The following TACR1 variants were observed in gnomAD, a reference collection of about 807,000 sequenced individuals.
The protein encoded by TACR1 is substance-P receptor.
A neutral mutation model predicts 35.8 loss-of-function variants in TACR1; 25 were observed. The observed-to-expected ratio is 0.70, with a 90% CI of 0.51 to 0.98. The LOEUF (loss-of-function observed/expected upper bound fraction) is 0.98, where lower values mean the gene tolerates loss of function less well. TACR1 is among the 50% of genes least tolerant of loss of function. TACR1 has a pLI of 0.00. For synonymous variants in TACR1, 195 were observed against 206.7 expected, an observed-to-expected ratio of 0.94 and a Z score of 0.48; for missense variants, 478 against 522.9, an observed-to-expected ratio of 0.91 and a Z score of 0.84.
At chr2:75,052,861 G>A (rs1317015234) in intron 3 of TACR1, among the ~76,000 whole-genome samples, 2 of 151,986 alleles carry the variant, frequency 1.3e-5, no homozygotes, top group African/African-American at 4.8e-5. Flanking sequence ...TTTTTTAAAT[G>A]TTTCGTTTTG....
Position 75,051,383 on chromosome 2 carries a change from A to G in TACR1, c.800T>C (p.Phe267Ser), listed in dbSNP as rs749256520. 4 of 1,614,176 alleles carry G rather than the reference A, an allele frequency of 2.5e-6. No individual in the cohort carries two copies. The highest frequency in any genetic ancestry group is 3.4e-6 in the Non-Finnish European group (4 of 1,180,026). The part of the protein sequence containing the change: ...FAICWLPFHI[F>S]FLLPYINPDL... The stretch of plus-strand genomic sequence containing the variant: ...TGGGTTGATGTAGGGCAGGAGGAAG[A>G]AGATGTGGAAGGGCAGCCAGCAGAT... Residue 267 changes from phenylalanine to serine, a missense_variant, in exon 4 of 5, where the codon TTC becomes TCC. Physicochemically the swap from Phe to Ser is radical, Grantham distance 155 (BLOSUM62 -2). Transcript: ENST00000305249.
chr2:75,056,075 A>G (rs1217803535), intron 2 of TACR1, among the ~76,000 whole-genome samples: 3 of 152,236 alleles, frequency 2.0e-5, no homozygotes, highest in Non-Finnish European at 2.9e-5. Flanking sequence ...AGTTACTGTA[A>G]TAGACATCTA....
intron 2 of TACR1, among the ~76,000 whole-genome samples, chr2:75,093,683 C>T (rs1673353285): frequency 6.6e-6 from 1 of 152,082 alleles, no homozygotes; most frequent in African/African-American, 2.4e-5. Flanking sequence ...TGATTTGTAA[C>T]ACTTCAGCAA....
intron 2 of TACR1, among the ~76,000 whole-genome samples, chr2:75,105,426 A>G (rs893454229): frequency 2.0e-5 from 3 of 152,046 alleles, no homozygotes; most frequent in African/African-American, 7.2e-5. Flanking sequence ...AGTGTCACTT[A>G]GGATGAATAA....
At chr2:75,093,067 C>T (rs1348735944) in intron 2 of TACR1, among the ~76,000 whole-genome samples, 2 of 152,138 alleles carry the variant, frequency 1.3e-5, no homozygotes, top group African/African-American at 4.8e-5. Flanking sequence ...ACAGGAGAAA[C>T]AGGCTGTGTA....
At chr2:75,118,748 AAG>A (rs1443090938) in intron 2 of TACR1, 2 of 152,244 alleles carry the variant, frequency 1.3e-5, no homozygotes, top group African/African-American at 4.8e-5. Flanking sequence ...CATGAAAACT[AAG>A]AGCTGAGCTA....
intron 4 of TACR1, among the ~76,000 whole-genome samples, chr2:75,050,807 C>T (rs752800226): frequency 3.9e-5 from 6 of 152,150 alleles, no homozygotes; most frequent in Non-Finnish European, 7.4e-5. Context: ...TCAGAGAGGG[C>T]GAATGTGCTC....
intron 2 of TACR1, among the ~76,000 whole-genome samples, chr2:75,063,636 T>A (rs984050532): frequency 6.6e-6 from 1 of 152,226 alleles, no homozygotes; most frequent in African/African-American, 2.4e-5. Flanking sequence ...GTTTTTCTTC[T>A]GTTTCCTTCA....
intron 2 of TACR1, among the ~76,000 whole-genome samples, chr2:75,088,561 T>G (rs1489650970): frequency 6.6e-6 from 1 of 152,186 alleles, no homozygotes; most frequent in Non-Finnish European, 1.5e-5. Context: ...AAATATTCAC[T>G]GAATGAGTGT....
At chr2:75,088,592 C>A (rs1035288629) in intron 2 of TACR1, among the ~76,000 whole-genome samples, 1 of 152,084 alleles carries the variant, frequency 6.6e-6, no homozygotes, top group African/African-American at 2.4e-5. Context: ...TTGTTATGTT[C>A]CTCCTGCAGA....
At chr2:75,079,347 C>T (rs1673036286) in intron 2 of TACR1, among the ~76,000 whole-genome samples, 1 of 152,158 alleles carries the variant, frequency 6.6e-6, no homozygotes, top group South Asian at 2.1e-4. Flanking sequence ...TGTAGTCTTT[C>T]TCCCTTCCAA....
chr2:75,095,295 T>C (rs1333889129), intron 2 of TACR1, among the ~76,000 whole-genome samples: 1 of 152,178 alleles, frequency 6.6e-6, no homozygotes, highest in East Asian at 1.9e-4. Context: ...ATTTTAATTT[T>C]CGTGGCTGTA....
intron 2 of TACR1, among the ~76,000 whole-genome samples, chr2:75,099,732 C>G (rs909056622): frequency 6.6e-6 from 1 of 152,200 alleles, no homozygotes; most frequent in Non-Finnish European, 1.5e-5. Flanking sequence ...CTGCTGGCCA[C>G]TGGCTCACAG....
At chr2:75,149,285 A>G (rs539947095) in intron 1 of TACR1, among the ~76,000 whole-genome samples, 9 of 152,054 alleles carry the variant, frequency 5.9e-5, no homozygotes, top group South Asian at 4.2e-4. Flanking sequence ...AAGAATGTCA[A>G]TGGTAGTTTG....
chr2:75,091,193 C>A (rs192136802), intron 2 of TACR1, among the ~76,000 whole-genome samples: 1 of 117,878 alleles, frequency 8.5e-6, no homozygotes, highest in Non-Finnish European at 1.6e-5. Flanking sequence ...CTTATGGGCT[C>A]GTAGGTGCAA....
chr2:75,075,771 T>G (rs1672963787), intron 2 of TACR1, among the ~76,000 whole-genome samples: 1 of 152,182 alleles, frequency 6.6e-6, no homozygotes, highest in Non-Finnish European at 1.5e-5. Flanking sequence ...ATGTAAAGAC[T>G]CAGATTAAAA....
At chr2:75,185,970 C>T (rs1443908351) in intron 1 of TACR1, among the ~76,000 whole-genome samples, 1 of 152,106 alleles carries the variant, frequency 6.6e-6, no homozygotes, top group Non-Finnish European at 1.5e-5. Flanking sequence ...AACCACTTGG[C>T]ATGATCTTAT....
intron 2 of TACR1, among the ~76,000 whole-genome samples, chr2:75,111,036 G>A (rs1429294962): frequency 1.3e-5 from 2 of 151,924 alleles, no homozygotes; most frequent in East Asian, 3.8e-4. Flanking sequence ...TCTTTTATGA[G>A]CTATAGTGTT....
intron 2 of TACR1, among the ~76,000 whole-genome samples, chr2:75,115,577 A>G: frequency 6.6e-6 from 1 of 152,172 alleles, no homozygotes; most frequent in Non-Finnish European, 1.5e-5. Context: ...TTGGTTAAAT[A>G]ATAGCATACA....
Sources: allele counts gnomAD v4.1 joint callset (sites outside exome capture counted in the v4.1 genomes callset), GRCh38; gene constraint gnomAD v4.1.1; transcripts MANE v1.5; gene names NCBI Gene and HGNC (gene_info 2026-07-23, HGNC 2026-07-21).